The following TSPEAR variants were observed in gnomAD, a reference collection of about 807,000 sequenced individuals.
TSPEAR encodes the protein thrombospondin-type laminin G domain and EAR repeat-containing protein.
In TSPEAR, 69 loss-of-function variants were observed where a neutral mutation model predicts 71.6. That is an observed-to-expected ratio of 0.96 (90% CI 0.79 to 1.18). TSPEAR has a LOEUF of 1.18. Among genes scored for constraint, TSPEAR ranks in the 50% most tolerant of loss-of-function variants. The pLI is 0.00. For synonymous variants in TSPEAR, 402 were observed against 387.2 expected (o/e 1.04, Z -0.45); for missense variants, 971 against 894.9 (o/e 1.09, Z -1.09).
At chr21:44,595,669 G>C (rs1160891609) in intron 1 of TSPEAR, among the ~76,000 whole-genome samples, 21 of 152,204 alleles carry the variant, frequency 1.4e-4, no homozygotes, top group African/African-American at 5.1e-4. Context: ...GCACTGAGGA[G>C]AACATAACAA....
chr21:44,526,637 G>A (rs116552795), intron 7 of TSPEAR, among the ~76,000 whole-genome samples: 2,739 of 152,366 alleles, frequency 0.018, 87 homozygotes, highest in African/African-American at 0.062. Flanking sequence ...GGCCTGGTGG[G>A]CCTCCTTGGC....
chr21:44,614,379 C>T (rs968713145), intron 1 of TSPEAR, among the ~76,000 whole-genome samples: 13 of 152,248 alleles, frequency 8.5e-5, no homozygotes, highest in African/African-American at 2.2e-4. Context: ...GGAGGGAGCC[C>T]GGCTCCACAA....
intron 1 of TSPEAR, among the ~76,000 whole-genome samples, chr21:44,619,627 C>T (rs950402755): frequency 1.3e-5 from 2 of 152,098 alleles, no homozygotes; most frequent in East Asian, 3.8e-4. Flanking sequence ...GAGAATGATA[C>T]CTCACCAAAT....
At chr21:44,552,923 G>T (rs781964045) in intron 2 of TSPEAR, among the ~76,000 whole-genome samples, 1 of 152,194 alleles carries the variant, frequency 6.6e-6, no homozygotes, top group Non-Finnish European at 1.5e-5. Flanking sequence ...ATCTGAAGAC[G>T]CAGGGCAGTC....
intron 2 of TSPEAR, chr21:44,539,966 C>G (rs587766830): frequency 6.2e-7 from 1 of 1,613,450 alleles, no homozygotes; most frequent in Non-Finnish European, 8.5e-7. Flanking sequence ...GCTGGGCTCA[C>G]AGGCTGCCTG....
In TSPEAR at chr21:44,695,114, C is replaced by T. The variant is rs1247331652; in HGVS notation, c.82+16319G>A. ...CAGATCCTCTGGCCTTCTGAGGTCA[C>T]TCTTTATAATCCAAATAAAATAACA... On this transcript the variant is annotated intron_variant, in intron 1 of 11. Coordinates refer to ENST00000323084, the MANE Select transcript of TSPEAR (RefSeq NM_144991.3). The surrounding 1 kb of genome is among the most constrained non-coding windows in gnomAD (Gnocchi z 4.5). Among the ~76,000 whole-genome samples the T allele has an allele frequency of 6.6e-6, 1 of 152,196 alleles. No homozygotes were observed. Among genetic ancestry groups the T allele is most frequent in the Non-Finnish European group, 1.5e-5 (1 of 68,022 alleles).
chr21:44,504,302 G>GGCAGCTCATTACCT (rs1569148676), intron 11 of TSPEAR, among the ~76,000 whole-genome samples: 1 of 145,082 alleles, frequency 6.9e-6, no homozygotes, highest in African/African-American at 2.6e-5. Context: ...AGCCGGCCTC[G>GGCAGCTCATTACCT]GTGAGCCCTT....
intron 9 of TSPEAR, among the ~76,000 whole-genome samples, chr21:44,521,080 G>A (rs2052724070): frequency 6.6e-6 from 1 of 152,196 alleles, no homozygotes. Flanking sequence ...GCCAGGTCAG[G>A]GGGCACAGAA....
chr21:44,582,307 C>T (rs1348295232), intron 1 of TSPEAR, among the ~76,000 whole-genome samples: 5 of 152,198 alleles, frequency 3.3e-5, no homozygotes, highest in Non-Finnish European at 7.3e-5. Context: ...CTGACAACCG[C>T]GAGCTCTCAC....
At chr21:44,531,692 C>G (rs1391932139) in intron 3 of TSPEAR, among the ~76,000 whole-genome samples, 5 of 152,204 alleles carry the variant, frequency 3.3e-5, no homozygotes, top group African/African-American at 1.2e-4. Context: ...GCACAGGGTC[C>G]TCCAGCCCAC....
intron 1 of TSPEAR, among the ~76,000 whole-genome samples, chr21:44,585,669 C>T (rs1979289459): frequency 6.6e-6 from 1 of 152,144 alleles, no homozygotes; most frequent in Non-Finnish European, 1.5e-5. Context: ...CATTGAATTC[C>T]ATATGTTTGG....
At chr21:44,657,014 C>A (rs587628937) in intron 1 of TSPEAR, among the ~76,000 whole-genome samples, 1 of 152,208 alleles carries the variant, frequency 6.6e-6, no homozygotes, top group East Asian at 1.9e-4. Flanking sequence ...TTCACCTGCA[C>A]CCATGGCCCA....
chr21:44,499,797 G>A lies in TSPEAR; in HGVS notation c.1996C>T (p.Leu666=). 6.4e-7 allele frequency: 1 copy of A among 1,571,364 alleles called. No homozygotes were observed. Among genetic ancestry groups the A allele is most frequent in the Non-Finnish European group, 8.6e-7 (1 of 1,159,638 alleles). ...CAGCCGCGGCCTCAGCGTGTCCTCA[G>A]CCGCAGGACCCTGGAGAGGGGCTCC... ...AKEPLSRVLR[L]RTR The change falls in exon 12 of 12, where the codon CTG becomes TTG. Residue 666 remains leucine, a synonymous_variant. Coordinates refer to ENST00000323084, the MANE Select transcript of TSPEAR (RefSeq NM_144991.3).
chr21:44,510,353 C>T (rs1466732507), intron 9 of TSPEAR, among the ~76,000 whole-genome samples: 1 of 152,230 alleles, frequency 6.6e-6, no homozygotes, highest in Non-Finnish European at 1.5e-5. Context: ...TCCGGAGGGC[C>T]TTCTGCCTGA....
At chr21:44,654,188 G>A (rs1379459337) in intron 1 of TSPEAR, 2 of 1,076,272 alleles carry the variant, frequency 1.9e-6, no homozygotes, top group African/African-American at 3.1e-5. Context: ...AGTTTGCTGT[G>A]GGAGGATGTG....
intron 8 of TSPEAR, among the ~76,000 whole-genome samples, chr21:44,524,939 TCAGTCAGTCAGTCAGTCACTCTTTGAGG>T (rs1471828739): frequency 1.4e-5 from 2 of 140,558 alleles, no homozygotes; most frequent in Non-Finnish European, 2.9e-5. Context: ...ATTCAGGTAG[TCAGTCAGTCAGTCAGTCACTCTTTGAGG>T]CAGTCAGTCA....
rs587692576 is a variant in TSPEAR, at chr21:44,550,862, T to C, written c.303+16923A>G. 2.8e-5 allele frequency: 43 copies of C among 1,526,166 alleles called. 1 individual carries two copies. In the South Asian group the frequency reaches 4.0e-4, roughly 14 times the overall value. The allele number at this position is 1,526,166 out of a possible 1,614,324, so 94.5% of individuals were successfully genotyped here. A position where few individuals can be genotyped will look rare whatever the true frequency, so the allele number is the denominator to read the frequency against. On this transcript the variant is annotated intron_variant, in intron 2 of 11. Coordinates refer to ENST00000323084, the MANE Select transcript of TSPEAR (RefSeq NM_144991.3). ...GAGAGGAAGCCCCAGAGCAAACAGGTACACAGCAGATGGACTTGCAGCAGA... is the reference window on the plus strand; with the variant it reads ...GAGAGGAAGCCCCAGAGCAAACAGGCACACAGCAGATGGACTTGCAGCAGA...
chr21:44,559,149 A>T (rs782411214), intron 2 of TSPEAR, among the ~76,000 whole-genome samples: 1 of 152,180 alleles, frequency 6.6e-6, no homozygotes, highest in Non-Finnish European at 1.5e-5. Context: ...CTAAGGAGGG[A>T]TGAGGTTAGG....
chr21:44,590,928 G>A (rs1979756716), intron 1 of TSPEAR, among the ~76,000 whole-genome samples: 2 of 152,186 alleles, frequency 1.3e-5, no homozygotes, highest in African/African-American at 2.4e-5. Context: ...GCACCAGAAG[G>A]CATTGCTTCC....
Sources: allele counts gnomAD v4.1 joint callset (sites outside exome capture counted in the v4.1 genomes callset), GRCh38; gene constraint gnomAD v4.1.1; non-coding constraint Gnocchi (gnomAD v3.1); transcripts MANE v1.5; gene names NCBI Gene and HGNC (gene_info 2026-07-23, HGNC 2026-07-21).